The following STAM variants were observed in gnomAD, a reference collection of about 807,000 sequenced individuals.
The protein encoded by STAM is signal transducing adapter molecule 1.
STAM carries 16 observed loss-of-function variants against 63.4 expected under a neutral mutation model. That is an observed-to-expected ratio of 0.25 (90% confidence interval 0.17 to 0.38). The LOEUF is 0.38. STAM is among the 10% of genes least tolerant of loss of function. The probability of loss-of-function intolerance (pLI) is 1.00; values close to 1 mark genes in which losing one functional copy is unlikely to be tolerated. For missense variants in STAM, 636 were observed against 657.1 expected (o/e 0.97, Z 0.35); for synonymous variants, 238 against 223.9 (o/e 1.06, Z -0.56).
intron 2 of STAM, among the ~76,000 whole-genome samples, chr10:17,666,897 C>T (rs907693099): frequency 1.3e-5 from 2 of 152,146 alleles, no homozygotes; most frequent in Non-Finnish European, 2.9e-5. Context: ...CCTCATTTTA[C>T]AGGACTTTAT....
chr10:17,645,765 G>C (rs1833496495), intron 1 of STAM, among the ~76,000 whole-genome samples: 1 of 152,180 alleles, frequency 6.6e-6, no homozygotes, highest in Non-Finnish European at 1.5e-5. Flanking sequence ...CAGCAGCTCA[G>C]TGACATAAGA....
chr10:17,702,478 A>G (rs910572029), intron 9 of STAM, among the ~76,000 whole-genome samples: 1 of 152,184 alleles, frequency 6.6e-6, no homozygotes, highest in African/African-American at 2.4e-5. Flanking sequence ...ATTTTTGACT[A>G]TTTTATTTTA....
chr10:17,716,620 C>G lies in STAM; in HGVS notation c.*1840C>G, dbSNP rs1311811547. Among the ~76,000 whole-genome samples, 1 of 151,914 alleles carries G rather than the reference C, an allele frequency of 6.6e-6. No homozygotes were observed. Among genetic ancestry groups the G allele is most frequent in the Non-Finnish European group, 1.5e-5 (1 of 67,984 alleles). ...TGTCTTTTGATAAATTCCTGTTTAC[C>G]AATGTTAAATGTATCATTTTCCCAT... On this transcript the variant is annotated 3_prime_UTR_variant, in exon 14 of 14. Coordinates refer to ENST00000377524, the MANE Select transcript of STAM (RefSeq NM_003473.4).
chr10:17,710,741 T>A (rs1431030742), intron 13 of STAM, among the ~76,000 whole-genome samples: 1 of 152,184 alleles, frequency 6.6e-6, no homozygotes, highest in Non-Finnish European at 1.5e-5. Context: ...TAGCACACAG[T>A]TTTACACTGG....
intron 1 of STAM, among the ~76,000 whole-genome samples, chr10:17,645,651 C>A (rs1426215676): frequency 6.6e-6 from 1 of 152,054 alleles, no homozygotes; most frequent in African/African-American, 2.4e-5. Context: ...AAATGAGTGT[C>A]CTGAATCTTA....
At chr10:17,705,905 CAAA>C (rs35030917) in intron 12 of STAM, among the ~76,000 whole-genome samples, 164 bp downstream of exon 12, 2 of 123,290 alleles carry the variant, frequency 1.6e-5, no homozygotes. Context: ...CTGTCTCTAC[CAAA>C]AAAAAAAAAA....
intron 1 of STAM, among the ~76,000 whole-genome samples, chr10:17,654,516 C>G (rs1339725164): frequency 1.3e-5 from 2 of 152,002 alleles, no homozygotes; most frequent in African/African-American, 4.8e-5. Flanking sequence ...GTCACCGCGC[C>G]CGGCTAAACC....
At chr10:17,689,012 C>G (rs193004745) in intron 5 of STAM, among the ~76,000 whole-genome samples, 17 of 152,196 alleles carry the variant, frequency 1.1e-4, no homozygotes, top group Admixed American at 1.1e-3. Context: ...TTAGTAAGAG[C>G]CGACCAGTAC....
chr10:17,697,018 C>T (rs1179081996), intron 8 of STAM, 149 bp downstream of exon 8: 3 of 616,776 alleles, frequency 4.9e-6, no homozygotes, highest in Non-Finnish European at 8.6e-6. Flanking sequence ...CTCCTGGGTT[C>T]AGGTGATTCT....
In STAM at chr10:17,715,403, G is replaced by A. The variant is rs961774178; in HGVS notation, c.*623G>A. On this transcript the variant is annotated 3_prime_UTR_variant, in exon 14 of 14. Coordinates refer to ENST00000377524, the MANE Select transcript of STAM (RefSeq NM_003473.4). ...GAGCTAAAGAGATATATATATATATGTGTGTGTATATATATATATCTACAT... is the reference window on the plus strand; with the variant it reads ...GAGCTAAAGAGATATATATATATATATGTGTGTATATATATATATCTACAT... 44 of 144,046 alleles carry A rather than the reference G, an allele frequency of 3.1e-4. No individual in the cohort carries two copies. The highest frequency in any genetic ancestry group is 7.2e-4 in the African/African-American group (27 of 37,510). The allele number at this position is 144,046 out of a possible 1,614,324, so 8.9% of individuals were successfully genotyped here.
intron 1 of STAM, among the ~76,000 whole-genome samples, chr10:17,658,143 A>C (rs1334746658): frequency 1.3e-5 from 2 of 151,786 alleles, no homozygotes. Context: ...CATCCCACAA[A>C]TTTTGCGAAG....
In STAM at chr10:17,716,282, G is replaced by T. The variant is rs191583660; in HGVS notation, c.*1502G>T. Among the ~76,000 whole-genome samples the T allele has an allele frequency of 5.9e-5, 9 of 152,008 alleles. No homozygotes were observed. The highest frequency in any genetic ancestry group is 3.3e-4 in the Admixed American group (5 of 15,258). ...GGTAGCTTGTTTATTTTCTTTTTGA[G>T]AGAAGATTAAATCTTTAGCCAGTAA... On this transcript the variant is annotated 3_prime_UTR_variant, in exon 14 of 14. Coordinates refer to ENST00000377524, the MANE Select transcript of STAM (RefSeq NM_003473.4).
intron 2 of STAM, among the ~76,000 whole-genome samples, chr10:17,667,847 A>G (rs1176886180): frequency 6.6e-6 from 1 of 152,254 alleles, no homozygotes; most frequent in Non-Finnish European, 1.5e-5. Flanking sequence ...GCTACAAGGT[A>G]GAGAAAACTT....
At chr10:17,661,962 T>A (rs1554822927) in intron 2 of STAM, among the ~76,000 whole-genome samples, 14 of 152,218 alleles carry the variant, frequency 9.2e-5, no homozygotes. Flanking sequence ...TTAATTTAAT[T>A]GAAAATTTTT....
At chr10:17,694,722 A>T (rs1835680589) in intron 6 of STAM, among the ~76,000 whole-genome samples, 1 of 152,194 alleles carries the variant, frequency 6.6e-6, no homozygotes, top group South Asian at 2.1e-4. Context: ...TTTGAAAAAA[A>T]GGTCAAGGAA....
At chr10:17,699,145 C>A (rs1554828011) in intron 8 of STAM, among the ~76,000 whole-genome samples, 2 of 152,152 alleles carry the variant, frequency 1.3e-5, no homozygotes, top group African/African-American at 4.8e-5. Flanking sequence ...GATTGGCATT[C>A]AAATCCAGGC....
At chr10:17,665,538 C>T (rs1834341575) in intron 2 of STAM, among the ~76,000 whole-genome samples, 1 of 151,848 alleles carries the variant, frequency 6.6e-6, no homozygotes, top group Non-Finnish European at 1.5e-5. Context: ...CTTATCGTTA[C>T]TTATTGACTA....
chr10:17,704,905 C>T (rs1836186212), intron 10 of STAM, 65 bp from the exon 11 acceptor site: 1 of 1,279,924 alleles, frequency 7.8e-7, no homozygotes, highest in Non-Finnish European at 1.1e-6. Context: ...ATACAAATAT[C>T]TATCAAAGGT....
At chr10:17,703,989 A>G (rs1470778851) in intron 9 of STAM, among the ~76,000 whole-genome samples, 2 of 152,200 alleles carry the variant, frequency 1.3e-5, no homozygotes, top group Admixed American at 6.5e-5. Context: ...AACAAAGCAA[A>G]ATCCTCTGGC....
Sources: gnomAD v4.1 joint callset for allele counts (sites outside exome capture counted in the v4.1 genomes callset) on GRCh38, gnomAD v4.1.1 for gene constraint, MANE v1.5 for transcripts, NCBI Gene and HGNC (gene_info 2026-07-23, HGNC 2026-07-21) for gene names.